The following PPM1B variants were observed in gnomAD, a reference collection of about 807,000 sequenced individuals.
PPM1B encodes the protein protein phosphatase, Mg2+/Mn2+ dependent 1B, also known as protein phosphatase 1B.
PPM1B carries 22 observed loss-of-function variants against 43.0 expected under a neutral mutation model. That is an observed-to-expected ratio of 0.51 (90% confidence interval 0.37 to 0.73). The LOEUF is 0.73. Ranked by LOEUF, PPM1B falls within the 30% of genes least tolerant of loss-of-function variation. The probability of loss-of-function intolerance (pLI) is 0.00; values close to 1 mark genes in which losing one functional copy is unlikely to be tolerated. For synonymous variants in PPM1B, 217 were observed against 197.9 expected, an observed-to-expected ratio of 1.10 and a Z score of -0.81; for missense variants, 632 against 584.2, an observed-to-expected ratio of 1.08 and a Z score of -0.84.
downstream of PPM1B, chr2:44,234,215 C>G (rs191021079): frequency 2.0e-6 from 2 of 983,464 alleles, no homozygotes; most frequent in East Asian, 1.1e-4. Flanking sequence ...AATATTTATA[C>G]TCCTTTTAAA....
At chr2:44,222,650 C>T (rs1670027124) in intron 5 of PPM1B, among the ~76,000 whole-genome samples, 1 of 152,122 alleles carries the variant, frequency 6.6e-6, no homozygotes, top group African/African-American at 2.4e-5. Flanking sequence ...TTGCACAGGT[C>T]ACAAAGCTAA....
intron 1 of PPM1B, among the ~76,000 whole-genome samples, chr2:44,185,971 T>A (rs557794747): frequency 1.3e-5 from 2 of 152,284 alleles, no homozygotes; most frequent in South Asian, 4.1e-4. Context: ...ATACTAAGAA[T>A]TGGAAGAAAG....
chr2:44,220,735 T>TG (rs1226467821), intron 5 of PPM1B, among the ~76,000 whole-genome samples: 2 of 152,352 alleles, frequency 1.3e-5, no homozygotes, highest in East Asian at 3.9e-4. Flanking sequence ...ATCCAGAATG[T>TG]GACCATTGCC....
chr2:44,221,976 C>A (rs766508633), intron 5 of PPM1B, among the ~76,000 whole-genome samples: 2 of 151,718 alleles, frequency 1.3e-5, no homozygotes, highest in Non-Finnish European at 2.9e-5. Flanking sequence ...TGATATTTTC[C>A]CAACTTTTAA....
Position 44,195,140 on chromosome 2 carries a change from G to A in PPM1B, c.-14-6046G>A, listed in dbSNP as rs548616674. Among the ~76,000 whole-genome samples the A allele has an allele frequency of 3.8e-4, 58 of 151,594 alleles. 1 individual carries two copies. The highest frequency in any genetic ancestry group is 1.3e-3 in the African/African-American group (54 of 41,358). On this transcript the variant is annotated intron_variant, in intron 1 of 5. Transcript: ENST00000282412. ...ACTCCTGACCTCAGGTGATCTGCCC[G>A]TCTCGGCCTCCCAAAGTGCTGGGAT...
At chr2:44,212,467 C>T (rs1346968663) in intron 3 of PPM1B, among the ~76,000 whole-genome samples, 7 of 152,150 alleles carry the variant, frequency 4.6e-5, no homozygotes, top group African/African-American at 9.7e-5. Context: ...CCACTATTTC[C>T]CCCTCCACTC....
intron 1 of PPM1B, among the ~76,000 whole-genome samples, chr2:44,188,735 C>T (rs1422715981): frequency 4.2e-5 from 6 of 141,622 alleles, no homozygotes; most frequent in Non-Finnish European, 9.6e-5. Context: ...TCCTTCCTTC[C>T]TTCTTTCCTT....
Position 44,230,495 on chromosome 2 carries a change from A to C in PPM1B, c.1217A>C (p.Asn406Thr). ...CAAATGAGAATTAATCATAGGGGAAACTACCGACAACTTCTGGAGGAGATG... is the reference window on the plus strand; with the variant it reads ...CAAATGAGAATTAATCATAGGGGAACCTACCGACAACTTCTGGAGGAGATG... ...LRQMRINHRG[N>T]YRQLLEEMLT... Residue 406 changes from asparagine to threonine, a missense_variant, in exon 6 of 6, where the codon AAC (asparagine) becomes ACC (threonine). This residue lies in a region of PPM1B where 392 missense variants were observed against 302.7 expected (regional missense o/e 1.29). Transcript: ENST00000282412. The C allele has an allele frequency of 6.2e-7, 1 of 1,614,116 alleles. No individual in the cohort carries two copies. The highest frequency in any genetic ancestry group is 1.1e-5 in the South Asian group (1 of 91,090).
intron 1 of PPM1B, among the ~76,000 whole-genome samples, chr2:44,199,542 G>A (rs1311373774): frequency 1.3e-5 from 2 of 152,104 alleles, no homozygotes; most frequent in African/African-American, 4.8e-5. Flanking sequence ...TTGCATTTAA[G>A]TATCTTTTAA....
At chr2:44,191,697 C>T (rs1668411282) in intron 1 of PPM1B, among the ~76,000 whole-genome samples, 1 of 152,082 alleles carries the variant, frequency 6.6e-6, no homozygotes, top group Non-Finnish European at 1.5e-5. Flanking sequence ...GTGAAAATTT[C>T]TCTGGGTGGA....
intron 1 of PPM1B, among the ~76,000 whole-genome samples, chr2:44,179,389 C>T (rs908437368): frequency 1.3e-5 from 2 of 152,114 alleles, no homozygotes; most frequent in African/African-American, 4.8e-5. Context: ...TAGCATTAGC[C>T]TCATTTAACA....
intron 1 of PPM1B, among the ~76,000 whole-genome samples, chr2:44,189,525 G>A (rs192595732): frequency 2.1e-3 from 320 of 151,312 alleles, no homozygotes; most frequent in African/African-American, 7.6e-3. Context: ...GTGCAATGGC[G>A]CGATCTCAGC....
chr2:44,185,306 A>G (rs1257308590), intron 1 of PPM1B, among the ~76,000 whole-genome samples: 1 of 152,134 alleles, frequency 6.6e-6, no homozygotes, highest in Non-Finnish European at 1.5e-5. Flanking sequence ...TATGTTGAGA[A>G]CTGCTACTTT....
At chr2:44,241,830 C>T (rs1197723396) in intron 5 of PPM1B, among the ~76,000 whole-genome samples, 1 of 146,618 alleles carries the variant, frequency 6.8e-6, no homozygotes, top group Non-Finnish European at 1.5e-5. Flanking sequence ...TCCTAAAAAC[C>T]TGTTATAATA....
intron 3 of PPM1B, 124 bp from the exon 4 acceptor site, chr2:44,217,843 G>A: frequency 4.0e-6 from 2 of 499,446 alleles, no homozygotes; most frequent in Non-Finnish European, 6.7e-6. Context: ...TTTTTTGTGT[G>A]TTGATGGTAA....
chr2:44,230,318 G>A (rs942017658), intron 5 of PPM1B, 95 bp from the exon 6 acceptor site: 12 of 1,528,262 alleles, frequency 7.9e-6, no homozygotes, highest in Admixed American at 4.4e-5. Context: ...ATTACTTTTC[G>A]GTAGAGAAAT....
chr2:44,244,549 G>A (rs573159652), downstream of PPM1B: 1 of 251,500 alleles, frequency 4.0e-6, no homozygotes, highest in African/African-American at 2.3e-5. Flanking sequence ...TATGGTTAAA[G>A]GCAGGCTTTA....
chr2:44,238,237 G>A (rs889838245), downstream of PPM1B, among the ~76,000 whole-genome samples: 3 of 152,062 alleles, frequency 2.0e-5, no homozygotes, highest in African/African-American at 7.2e-5. Context: ...TAATTCCACA[G>A]TGACATGATA....
chr2:44,209,338 T>C lies in PPM1B; in HGVS notation c.964+11T>C, dbSNP rs201453136. The stretch of plus-strand genomic sequence containing the variant: ...AATCACGGGTTGAAGGTAAGACAAA[T>C]GCTTTTTAAAAATATAGACAGGCCA... On this transcript the variant is annotated intron_variant, in intron 3 of 5. Transcript: ENST00000282412. 7 of 1,613,532 alleles carry C rather than the reference T, an allele frequency of 4.3e-6. No homozygotes were observed. The East Asian group carries it at 8.9e-5, about 21-fold the overall frequency.
Sources: allele counts gnomAD v4.1 joint callset (sites outside exome capture counted in the v4.1 genomes callset), GRCh38; gene constraint gnomAD v4.1.1; regional missense constraint gnomAD v4.1.1; transcripts MANE v1.5; gene names NCBI Gene and HGNC (gene_info 2026-07-23, HGNC 2026-07-21).